PIK3R3: variants seen among roughly 807,000 people sequenced by gnomAD.
The protein encoded by PIK3R3 is phosphatidylinositol 3-kinase regulatory subunit gamma.
A neutral mutation model predicts 62.9 loss-of-function variants in PIK3R3; 64 were observed. That is an observed-to-expected ratio of 1.02 (90% CI 0.83 to 1.25). The LOEUF is 1.25. Ranked by LOEUF, PIK3R3 falls within the 50% of genes most tolerant of loss-of-function variation. PIK3R3 has a pLI of 0.00. For synonymous variants in PIK3R3, 165 were observed against 189.0 expected, an observed-to-expected ratio of 0.87 and a Z score of 1.04; for missense variants, 614 against 561.6, an observed-to-expected ratio of 1.09 and a Z score of -0.94.
intron 7 of PIK3R3, among the ~76,000 whole-genome samples, chr1:46,049,376 C>T (rs1647198554): frequency 6.6e-6 from 1 of 152,184 alleles, no homozygotes; most frequent in Non-Finnish European, 1.5e-5. Flanking sequence ...AGCTGGGAAG[C>T]CCCTGAGAGA....
chr1:46,059,747 T>C (rs1363988999), intron 6 of PIK3R3, among the ~76,000 whole-genome samples: 2 of 152,006 alleles, frequency 1.3e-5, no homozygotes, highest in Non-Finnish European at 2.9e-5. Flanking sequence ...TGAGCCATGA[T>C]CATGCCACTT....
the PIK3R3 span, among the ~76,000 whole-genome samples, chr1:46,173,084 T>C: frequency 6.6e-6 from 1 of 152,134 alleles, no homozygotes; most frequent in Non-Finnish European, 1.5e-5. Flanking sequence ...GGTGTGTTAG[T>C]GCCATGTTGG....
At chr1:46,126,826 T>A in intron 1 of PIK3R3, among the ~76,000 whole-genome samples, 1 of 151,946 alleles carries the variant, frequency 6.6e-6, no homozygotes, top group South Asian at 2.1e-4. Context: ...TTAAATATAT[T>A]TTAATTTCTC....
chr1:46,098,201 C>T (rs1652330618), intron 1 of PIK3R3, among the ~76,000 whole-genome samples: 1 of 152,046 alleles, frequency 6.6e-6, no homozygotes, highest in African/African-American at 2.4e-5. Context: ...AAATCGAAAC[C>T]ACAGTGACAT....
At chr1:46,152,239 T>C in the PIK3R3 span, among the ~76,000 whole-genome samples, 1 of 152,154 alleles carries the variant, frequency 6.6e-6, no homozygotes, top group South Asian at 2.1e-4. Context: ...GCTTGAAAAT[T>C]CCCCTTGCCA....
chr1:46,161,275 T>TG, the PIK3R3 span, among the ~76,000 whole-genome samples: 1 of 151,486 alleles, frequency 6.6e-6, no homozygotes, highest in South Asian at 2.1e-4. Context: ...TTTTTTTTTT[T>TG]TTTGTAGAGA....
chr1:46,163,842 C>G, the PIK3R3 span, among the ~76,000 whole-genome samples: 1 of 152,222 alleles, frequency 6.6e-6, no homozygotes, highest in Non-Finnish European at 1.5e-5. Context: ...AGACGGTAAT[C>G]TCCACAGCAC....
rs1406032270 is a variant in PIK3R3 at position 46,132,334 on chromosome 1, G to A, written c.-382C>T. 9.0e-7 allele frequency: 1 copy of A among 1,110,560 alleles called. No homozygotes were observed. The highest frequency in any genetic ancestry group is 1.1e-6 in the Non-Finnish European group (1 of 903,028). 68.8% of individuals were successfully genotyped at this position (1,110,560 alleles called of 1,614,324 possible). A position where few individuals can be genotyped will look rare whatever the true frequency, so the allele number is the denominator to read the frequency against. On this transcript the variant is annotated 5_prime_UTR_variant, in exon 1 of 10. Coordinates refer to ENST00000262741, the MANE Select transcript of PIK3R3 (RefSeq NM_003629.4). ...AGCCACTTTTGTGTCCTTCGAAGGA[G>A]GGAGAATGAAGAGGAAAAAAAAGAA... is the stretch of plus-strand genomic sequence containing the variant.
chr1:46,165,598 G>A, the PIK3R3 span, among the ~76,000 whole-genome samples: 207 of 151,724 alleles, frequency 1.4e-3, no homozygotes, highest in African/African-American at 4.8e-3. Flanking sequence ...GAGCCACTGC[G>A]CCTGGCCCCT....
chr1:46,080,128 C>A (rs1650443051), intron 2 of PIK3R3, among the ~76,000 whole-genome samples: 1 of 149,600 alleles, frequency 6.7e-6, no homozygotes, highest in African/African-American at 2.5e-5. Context: ...GTGGCACTAT[C>A]TCGGCTCACT....
At chr1:46,130,153 C>A (rs531450357) in intron 1 of PIK3R3, among the ~76,000 whole-genome samples, 1 of 152,294 alleles carries the variant, frequency 6.6e-6, no homozygotes, top group Non-Finnish European at 1.5e-5. Flanking sequence ...TCACCTCCCA[C>A]CCAACAAATT....
intron 3 of PIK3R3, among the ~76,000 whole-genome samples, chr1:46,074,493 C>G (rs996551514): frequency 2.0e-5 from 3 of 151,724 alleles, no homozygotes; most frequent in Non-Finnish European, 4.4e-5. Context: ...AACTTTGTAC[C>G]TCATCTTTAG....
Position 46,062,163 on chromosome 1 carries a change from TTA to T in PIK3R3, c.622-94_622-93del, listed in dbSNP as rs1255384665. The T allele has an allele frequency of 6.6e-6, 7 of 1,057,114 alleles. No individual in the cohort carries two copies. In the African/African-American group the frequency reaches 1.1e-4, roughly 17 times the overall value. 65.5% of individuals were successfully genotyped at this position (1,057,114 alleles called of 1,614,324 possible). ...TAAACAAATTTTGTAATTCCAGTTATTAATGTAATCCCATATAACACCTAGTC... is the reference window on the plus strand; with the variant it reads ...TAAACAAATTTTGTAATTCCAGTTATATGTAATCCCATATAACACCTAGTC... On this transcript the variant is annotated intron_variant, in intron 5 of 9. Coordinates refer to ENST00000262741, the MANE Select transcript of PIK3R3 (RefSeq NM_003629.4).
At chr1:46,069,524 A>G (rs1649304683) in intron 3 of PIK3R3, among the ~76,000 whole-genome samples, 1 of 152,136 alleles carries the variant, frequency 6.6e-6, no homozygotes, top group Non-Finnish European at 1.5e-5. Flanking sequence ...ATCTCAAAAA[A>G]AAAAAAAAGA....
At chr1:46,053,774 C>T (rs1273005747) in intron 7 of PIK3R3, among the ~76,000 whole-genome samples, 4 of 152,144 alleles carry the variant, frequency 2.6e-5, no homozygotes, top group African/African-American at 9.7e-5. Flanking sequence ...CACTTATTCA[C>T]GCCCCTTGGG....
At chr1:46,162,145 T>G in the PIK3R3 span, among the ~76,000 whole-genome samples, 2 of 149,298 alleles carry the variant, frequency 1.3e-5, no homozygotes, top group Non-Finnish European at 3.0e-5. Context: ...AGCAAAAAAT[T>G]AGAAACAATT....
chr1:46,049,946 C>A (rs1647219283), intron 7 of PIK3R3, among the ~76,000 whole-genome samples: 2 of 151,578 alleles, frequency 1.3e-5, no homozygotes, highest in Non-Finnish European at 2.9e-5. Flanking sequence ...ATGGTGAAAC[C>A]CCGTTCCTAC....
chr1:46,136,682 G>C (rs1488401377), upstream of PIK3R3, among the ~76,000 whole-genome samples: 1 of 152,188 alleles, frequency 6.6e-6, no homozygotes, highest in Non-Finnish European at 1.5e-5. Context: ...ATACACCTCA[G>C]CATGTGATGT....
At position 46,043,827 on chromosome 1, in the gene PIK3R3, C is replaced by A. The variant is rs368641799; in HGVS notation, c.1232G>T (p.Arg411Leu). ...VKHCVIYSTA[R>L]GYGFAEPYNL... is the part of the protein sequence containing the mutation. ...GTAGGGCTCTGCAAAGCCATAGCCC[C>A]GAGCAGTGCTGTAGATCACACAGTG... Residue 411 changes from arginine (R) to leucine (L), a missense_variant, in exon 10 of 10, where the codon CGG becomes CTG. By Grantham distance (102) the Arg-to-Leu change is moderately radical. Coordinates refer to ENST00000262741, the MANE Select transcript of PIK3R3 (RefSeq NM_003629.4). 8 of 1,613,928 alleles carry A rather than the reference C, an allele frequency of 5.0e-6. No homozygotes were observed. The African/African-American group carries it at 6.7e-5, about 13-fold the overall frequency.
Sources: gnomAD v4.1 joint callset for allele counts (sites outside exome capture counted in the v4.1 genomes callset) on GRCh38, gnomAD v4.1.1 for gene constraint, MANE v1.5 for transcripts, NCBI Gene and HGNC (gene_info 2026-07-23, HGNC 2026-07-21) for gene names.